Variants in ACSM3 observed in about 807,000 individuals in gnomAD.
ACSM3 encodes acyl-coenzyme A synthetase ACSM3, mitochondrial.
In ACSM3, 61 loss-of-function variants were observed where a neutral mutation model predicts 74.1. The observed-to-expected ratio is 0.82, with a 90% CI of 0.67 to 1.02. ACSM3 has a LOEUF of 1.02. ACSM3 is among the 50% of genes least tolerant of loss of function. ACSM3 has a pLI of 0.00. For missense variants in ACSM3, 660 were observed against 697.0 expected (o/e 0.95, Z 0.60); for synonymous variants, 213 against 241.5 (o/e 0.88, Z 1.09).
At chr16:20,676,560 A>C (rs2020290391) in intron 1 of ACSM3, among the ~76,000 whole-genome samples, 1 of 152,172 alleles carries the variant, frequency 6.6e-6, no homozygotes, top group Admixed American at 6.5e-5. Flanking sequence ...AATGCAACTC[A>C]GCTTATTAAA....
chr16:20,748,603 T>C (rs975916830), intron 1 of ACSM3, among the ~76,000 whole-genome samples: 2 of 152,234 alleles, frequency 1.3e-5, no homozygotes, highest in African/African-American at 2.4e-5. Flanking sequence ...TAGCTGTTGC[T>C]AACTGGAACG....
intron 1 of ACSM3, chr16:20,741,861 G>A: frequency 6.5e-7 from 1 of 1,535,644 alleles, no homozygotes; most frequent in Non-Finnish European, 8.7e-7. Context: ...CGGCCTCGAA[G>A]CCTCATTCCG....
intron 1 of ACSM3, chr16:20,766,585 G>A (rs972520886): frequency 6.6e-6 from 1 of 152,128 alleles, no homozygotes; most frequent in Non-Finnish European, 1.5e-5. Context: ...ACTTAGCTGG[G>A]TGTGGTGGCA....
intron 1 of ACSM3, among the ~76,000 whole-genome samples, chr16:20,707,460 C>T (rs2079731204): frequency 6.6e-6 from 1 of 152,202 alleles, no homozygotes. Context: ...CATACCCATT[C>T]ACAAACCGGA....
chr16:20,739,946 AG>A (rs2079902986), intron 1 of ACSM3, among the ~76,000 whole-genome samples: 1 of 152,240 alleles, frequency 6.6e-6, no homozygotes, highest in Non-Finnish European at 1.5e-5. Context: ...CGTGCTGACC[AG>A]ATCAATCATT....
chr16:20,711,938 T>C (rs1196589384), intron 1 of ACSM3, among the ~76,000 whole-genome samples: 1 of 152,154 alleles, frequency 6.6e-6, no homozygotes, highest in Non-Finnish European at 1.5e-5. Context: ...CAACCACGTA[T>C]CCCACCACTC....
intron 1 of ACSM3, chr16:20,764,756 T>C (rs564014362): frequency 1.3e-5 from 2 of 152,342 alleles, no homozygotes; most frequent in African/African-American, 4.8e-5. Context: ...GAGATTTTCA[T>C]TGTACTGTCT....
intron 1 of ACSM3, among the ~76,000 whole-genome samples, chr16:20,726,499 C>T (rs189055506): frequency 6.6e-6 from 1 of 152,252 alleles, no homozygotes; most frequent in Non-Finnish European, 1.5e-5. Flanking sequence ...ATCTTGCTCA[C>T]ATTTCAATAG....
At chr16:20,714,269 G>A (rs2079753550) in intron 1 of ACSM3, among the ~76,000 whole-genome samples, 1 of 151,458 alleles carries the variant, frequency 6.6e-6, no homozygotes, top group Non-Finnish European at 1.5e-5. Context: ...GGGCTAGCTA[G>A]AGAACAAAAT....
At chr16:20,729,520 T>C in intron 1 of ACSM3, 1 of 597,268 alleles carries the variant, frequency 1.7e-6, no homozygotes, top group Non-Finnish European at 3.1e-6. Flanking sequence ...TCAAATCAGC[T>C]GTTGTCAGTA....
chr16:20,684,736 G>A (rs1230364774), intron 1 of ACSM3, among the ~76,000 whole-genome samples: 2 of 152,158 alleles, frequency 1.3e-5, no homozygotes, highest in Admixed American at 6.5e-5. Flanking sequence ...AAATAATTCA[G>A]TAAGAAAGGG....
At chr16:20,713,971 C>A (rs1007338066) in intron 1 of ACSM3, among the ~76,000 whole-genome samples, 3 of 152,128 alleles carry the variant, frequency 2.0e-5, no homozygotes, top group African/African-American at 7.2e-5. Context: ...ATCTTCTATT[C>A]AAGGAGTTCA....
In ACSM3 at chr16:20,797,010, T is replaced by C; in HGVS notation, c.*38T>C. ...AATTACCATATCTATAAAACAAACA[T>C]AGTATCTGTCAATCTCTAGAAACCA... On this transcript the variant is annotated 3_prime_UTR_variant, in exon 14 of 14. Transcript: ENST00000289416. 6.2e-7 allele frequency: 1 copy of C among 1,601,302 alleles called. No homozygotes were observed. The highest frequency in any genetic ancestry group is 2.3e-5 in the East Asian group (1 of 44,376).
chr16:20,677,717 G>A (rs1021016885), intron 1 of ACSM3, among the ~76,000 whole-genome samples: 2 of 152,162 alleles, frequency 1.3e-5, no homozygotes, highest in African/African-American at 2.4e-5. Context: ...TAGTAGAGGT[G>A]CAGTCTTTGC....
intron 1 of ACSM3, among the ~76,000 whole-genome samples, chr16:20,715,974 C>T (rs1223925340): frequency 6.6e-6 from 1 of 152,100 alleles, no homozygotes; most frequent in African/African-American, 2.4e-5. Context: ...AGCTGAAGCA[C>T]CTTGGTTTTC....
At chr16:20,781,285 C>T (rs927306398) in intron 6 of ACSM3, among the ~76,000 whole-genome samples, 155 bp downstream of exon 6, 3 of 152,152 alleles carry the variant, frequency 2.0e-5, no homozygotes, top group African/African-American at 7.2e-5. Flanking sequence ...AAGATACACT[C>T]GGCCCCCTCT....
chr16:20,698,277 T>G (rs984445183), intron 1 of ACSM3, among the ~76,000 whole-genome samples: 1 of 151,328 alleles, frequency 6.6e-6, no homozygotes, highest in African/African-American at 2.4e-5. Flanking sequence ...ATGAACTAGA[T>G]CCAATGGTGC....
intron 3 of ACSM3, 33 bp from the exon 4 acceptor site, chr16:20,777,340 C>A (rs781120681): frequency 7.7e-5 from 121 of 1,571,700 alleles, no homozygotes; most frequent in Non-Finnish European, 1.0e-4. Flanking sequence ...AATAACATTT[C>A]TTCTAAACAC....
At chr16:20,719,274 G>T in intron 1 of ACSM3, 2 of 229,682 alleles carry the variant, frequency 8.7e-6, no homozygotes, top group South Asian at 1.7e-4. Flanking sequence ...GAATGTGTCT[G>T]ACACAGGCTG....
Sources: gnomAD v4.1 joint callset for allele counts (sites outside exome capture counted in the v4.1 genomes callset) on GRCh38, gnomAD v4.1.1 for gene constraint, MANE v1.5 for transcripts, NCBI Gene and HGNC (gene_info 2026-07-23, HGNC 2026-07-21) for gene names.